Variants in TRIM55 observed in about 807,000 individuals in gnomAD.
TRIM55 encodes tripartite motif containing 55.
TRIM55 carries 50 observed loss-of-function variants against 60.9 expected under a neutral mutation model. That is an observed-to-expected ratio of 0.82 (90% CI 0.65 to 1.04). The LOEUF is 1.04. Among genes scored for constraint, TRIM55 ranks in the 50% least tolerant of loss-of-function variants. The probability of loss-of-function intolerance (pLI) is 0.00; values close to 1 mark genes in which losing one functional copy is unlikely to be tolerated. For synonymous variants in TRIM55, 237 were observed against 238.1 expected, an observed-to-expected ratio of 1.00 and a Z score of 0.04; for missense variants, 681 against 666.9, an observed-to-expected ratio of 1.02 and a Z score of -0.23.
chr8:66,122,506 C>T (rs1479658602), upstream of TRIM55, among the ~76,000 whole-genome samples: 1 of 152,120 alleles, frequency 6.6e-6, no homozygotes, highest in Non-Finnish European at 1.5e-5. Context: ...TCGTTAGAAC[C>T]TCCTGAGGCC....
intron 9 of TRIM55, among the ~76,000 whole-genome samples, chr8:66,159,749 G>A (rs1309624620): frequency 1.6e-4 from 24 of 152,298 alleles, no homozygotes; most frequent in Admixed American, 1.6e-3. Context: ...GGATGATTAT[G>A]CATGGTTTCT....
At chr8:66,134,664 A>T (rs1467435453) in intron 2 of TRIM55, among the ~76,000 whole-genome samples, 1 of 152,100 alleles carries the variant, frequency 6.6e-6, no homozygotes, top group Non-Finnish European at 1.5e-5. Context: ...TCACTACCAG[A>T]TTCTGAAACC....
At chr8:66,134,421 C>A (rs1809355603) in intron 2 of TRIM55, among the ~76,000 whole-genome samples, 3 of 152,196 alleles carry the variant, frequency 2.0e-5, no homozygotes, top group Non-Finnish European at 4.4e-5. Flanking sequence ...GTGAGCCACA[C>A]CTATCCTCAT....
chr8:66,122,163 G>A (rs1808657100), upstream of TRIM55, among the ~76,000 whole-genome samples: 1 of 152,060 alleles, frequency 6.6e-6, no homozygotes, highest in African/African-American at 2.4e-5. Context: ...ATAAATCTTG[G>A]GGCCCCCAAA....
At chr8:66,169,945 A>C (rs918474954) in intron 9 of TRIM55, among the ~76,000 whole-genome samples, 1 of 152,168 alleles carries the variant, frequency 6.6e-6, no homozygotes, top group Non-Finnish European at 1.5e-5. Flanking sequence ...TTACCATCTT[A>C]ACCACTCCCA....
At chr8:66,143,318 C>T (rs1809926716) in intron 4 of TRIM55, among the ~76,000 whole-genome samples, 1 of 152,172 alleles carries the variant, frequency 6.6e-6, no homozygotes, top group Non-Finnish European at 1.5e-5. Flanking sequence ...AGGGCTAGGA[C>T]ATGTAATGTA....
At chr8:66,128,524 TTTTG>T (rs755916724) in intron 2 of TRIM55, 48 bp downstream of exon 2, 9 of 1,580,090 alleles carry the variant, frequency 5.7e-6, no homozygotes, top group African/African-American at 1.4e-5. Context: ...TGAAACTTGT[TTTTG>T]TTTGTTTGTT....
In TRIM55 at chr8:66,174,567, TC is replaced by T. The variant is rs767679102; in HGVS notation, c.1623del (p.Trp542GlyfsTer2). 3.7e-6 allele frequency: 6 copies of T among 1,605,080 alleles called. No homozygotes were observed. The Admixed American group carries it at 1.0e-4, about 28-fold the overall frequency. ...SEPARHIFSF[S>X]WLNSLNE ...GCCAGCTCGCCATATCTTCTCCTTT[TC>T]CTGGTTGAACTCCCTAAATGAATGA... On this transcript the variant is annotated frameshift_variant, in exon 10 of 10. Transcript: ENST00000315962. LOFTEE classifies it high-confidence loss of function.
chr8:66,139,165 T>G (rs1809657530), intron 4 of TRIM55, among the ~76,000 whole-genome samples: 1 of 152,216 alleles, frequency 6.6e-6, no homozygotes, highest in Non-Finnish European at 1.5e-5. Flanking sequence ...AATTTGGTCA[T>G]AACACCGTGA....
chr8:66,132,710 A>G (rs1353331854), intron 2 of TRIM55, among the ~76,000 whole-genome samples: 1 of 152,138 alleles, frequency 6.6e-6, no homozygotes, highest in South Asian at 2.1e-4. Context: ...TACATGCCAA[A>G]TCGGTCCCAA....
At chr8:66,143,077 T>C (rs938329903) in intron 4 of TRIM55, among the ~76,000 whole-genome samples, 1 of 152,222 alleles carries the variant, frequency 6.6e-6, no homozygotes, top group Non-Finnish European at 1.5e-5. Context: ...AATGAAGGTA[T>C]AGCTCTAACA....
In TRIM55 at chr8:66,154,129, T is replaced by C; in HGVS notation, c.1319T>C (p.Leu440Ser). The C allele has an allele frequency of 6.2e-7, 1 of 1,614,012 alleles. No homozygotes were observed. Among genetic ancestry groups the C allele is most frequent in the Non-Finnish European group, 8.5e-7 (1 of 1,180,000 alleles). ...VPAAAETADP[L>S]FYPSWYKGQT... ...GCAGCAGCAGAAACTGCGGATCCCTTGTTTTACCCTAGTTGGTATAAAGGC... is the reference window on the plus strand; with the variant it reads ...GCAGCAGCAGAAACTGCGGATCCCTCGTTTTACCCTAGTTGGTATAAAGGC... Residue 440 changes from leucine (L) to serine (S), a missense_variant, in exon 9 of 10, where the codon TTG (leucine) becomes TCG (serine). Transcript: ENST00000315962.
intron 9 of TRIM55, among the ~76,000 whole-genome samples, chr8:66,169,026 T>C (rs1362547379): frequency 6.6e-6 from 1 of 152,126 alleles, no homozygotes; most frequent in Non-Finnish European, 1.5e-5. Context: ...AATGATCATT[T>C]AGGGAAGGGT....
intron 9 of TRIM55, among the ~76,000 whole-genome samples, chr8:66,158,027 C>T (rs2128983161): frequency 6.6e-6 from 1 of 152,070 alleles, no homozygotes; most frequent in East Asian, 1.9e-4. Flanking sequence ...CATCAAAGGC[C>T]CCAGTTTCCT....
intron 9 of TRIM55, among the ~76,000 whole-genome samples, chr8:66,164,232 G>A (rs191350050): frequency 5.9e-5 from 9 of 152,220 alleles, no homozygotes; most frequent in South Asian, 2.1e-4. Context: ...ACAAGCCTGC[G>A]TCCCCTTCCT....
Position 66,170,455 on chromosome 8 carries a change from A to T in TRIM55, c.1525-4016A>T, listed in dbSNP as rs114858259. Among the ~76,000 whole-genome samples the T allele has an allele frequency of 2.2e-3, 340 of 152,244 alleles. 4 individuals are homozygous for T. The highest frequency in any genetic ancestry group is 7.8e-3 in the African/African-American group (325 of 41,548). On this transcript the variant is annotated intron_variant, in intron 9 of 9. Transcript: ENST00000315962. ...GCTGAACAGTGTTCCATTGTATTCC[A>T]TTGATTCTTGACATGTATGTATGCA...
chr8:66,127,524 C>G (rs1371657807), intron 1 of TRIM55, 88 bp downstream of exon 1: 1 of 1,474,046 alleles, frequency 6.8e-7, no homozygotes, highest in Non-Finnish European at 9.3e-7. Flanking sequence ...AGGTGAAATC[C>G]TTTAAAAAAC....
chr8:66,152,153 G>A (rs1167323919), intron 7 of TRIM55: 9 of 589,308 alleles, frequency 1.5e-5, no homozygotes, highest in Non-Finnish European at 2.7e-5. Context: ...TTTGTACTGG[G>A]GAGGAGAACA....
intron 3 of TRIM55, among the ~76,000 whole-genome samples, chr8:66,135,828 C>T (rs1809452534): frequency 6.6e-6 from 1 of 152,132 alleles, no homozygotes; most frequent in Non-Finnish European, 1.5e-5. Context: ...TACCAACCTG[C>T]CAACCTGGTT....
Sources: allele counts gnomAD v4.1 joint callset (sites outside exome capture counted in the v4.1 genomes callset), GRCh38; gene constraint gnomAD v4.1.1; transcripts MANE v1.5; gene names NCBI Gene and HGNC (gene_info 2026-07-23, HGNC 2026-07-21).